The following FRMD5 variants were observed in gnomAD, a reference collection of about 807,000 sequenced individuals.
FRMD5 encodes FERM domain-containing protein 5.
A neutral mutation model predicts 69.0 loss-of-function variants in FRMD5; 20 were observed. The observed-to-expected ratio is 0.29, with a 90% CI of 0.20 to 0.42. The LOEUF (loss-of-function observed/expected upper bound fraction) is 0.42. FRMD5 is among the 10% of genes least tolerant of loss of function. The pLI is 1.00. For missense variants in FRMD5, 595 were observed against 708.6 expected (o/e 0.84, Z 1.82); for synonymous variants, 271 against 260.1 (o/e 1.04, Z -0.40).
intron 1 of FRMD5, among the ~76,000 whole-genome samples, chr15:44,017,181 A>G (rs1361457907): frequency 6.6e-6 from 1 of 152,040 alleles, no homozygotes; most frequent in African/African-American, 2.4e-5. Flanking sequence ...TACTAAAAAT[A>G]CAAAAAATTA....
intron 1 of FRMD5, among the ~76,000 whole-genome samples, chr15:44,121,912 T>C (rs1262852029): frequency 2.0e-5 from 3 of 149,858 alleles, no homozygotes; most frequent in African/African-American, 4.9e-5. Flanking sequence ...GGAGAATCGC[T>C]TGAACCTGAG....
At chr15:44,078,632 G>C (rs1279351533) in intron 1 of FRMD5, among the ~76,000 whole-genome samples, 1 of 150,290 alleles carries the variant, frequency 6.7e-6, no homozygotes, top group Non-Finnish European at 1.5e-5. Flanking sequence ...ATTATGCTAT[G>C]AGAAATAAGC....
Position 44,167,593 on chromosome 15 carries a change from ATTT to A in FRMD5, c.102+27357_102+27359del, listed in dbSNP as rs202157236. ...TTTAGTGAGGCATTTCATTATCACA[ATTT>A]TTTTTTTTTTTAAGACAGAGTCTTG... On this transcript the variant is annotated intron_variant, in intron 1 of 13. Transcript: ENST00000417257. Among the ~76,000 whole-genome samples the A allele has an allele frequency of 4.1e-3, 599 of 145,618 alleles. 5 individuals carry two copies. Among genetic ancestry groups the A allele is most frequent in the African/African-American group, 0.014 (560 of 40,064 alleles).
chr15:43,998,761 G>C (rs1374359395), intron 1 of FRMD5, among the ~76,000 whole-genome samples: 2 of 152,226 alleles, frequency 1.3e-5, no homozygotes, highest in African/African-American at 4.8e-5. Flanking sequence ...ATAAGCTTGT[G>C]AGATGATGGC....
At chr15:44,177,349 A>G (rs1292931384) in intron 1 of FRMD5, among the ~76,000 whole-genome samples, 2 of 152,252 alleles carry the variant, frequency 1.3e-5, no homozygotes, top group African/African-American at 2.4e-5. Context: ...AAAATGTGGT[A>G]TATCTATGAC....
intron 6 of FRMD5, among the ~76,000 whole-genome samples, chr15:43,903,706 C>T (rs573121728): frequency 4.3e-4 from 65 of 152,332 alleles, no homozygotes; most frequent in African/African-American, 1.5e-3. Flanking sequence ...GGAGTGTCCT[C>T]TGTCTGCAGG....
intron 1 of FRMD5, among the ~76,000 whole-genome samples, chr15:44,116,711 T>C (rs1488546573): frequency 6.6e-6 from 1 of 152,144 alleles, no homozygotes; most frequent in Non-Finnish European, 1.5e-5. Context: ...GTCTGCATCA[T>C]TCCTCCCTTG....
At chr15:44,168,698 T>C (rs538185541) in intron 1 of FRMD5, among the ~76,000 whole-genome samples, 1 of 152,232 alleles carries the variant, frequency 6.6e-6, no homozygotes, top group East Asian at 1.9e-4. Flanking sequence ...TACATCTATA[T>C]TTAGGGGCTA....
At chr15:43,952,000 C>CTGTGTGTG (rs367759637) in intron 1 of FRMD5, among the ~76,000 whole-genome samples, 14 of 123,782 alleles carry the variant, frequency 1.1e-4, no homozygotes, top group African/African-American at 3.3e-4. Flanking sequence ...GTGTGTGTGT[C>CTGTGTGTG]TGTGTGTGTG....
intron 4 of FRMD5, among the ~76,000 whole-genome samples, chr15:43,911,596 C>T (rs756037680): frequency 2.8e-4 from 43 of 152,328 alleles, no homozygotes; most frequent in South Asian, 1.0e-3. Flanking sequence ...CAGAACCACC[C>T]AGCTAAGCTG....
rs567853497 is a variant in FRMD5, at chr15:44,135,951, C to T, written c.102+59002G>A. ...TCATAATATTATTTAAAATACAAATCTGACACCAGTTAAGTTTTGGGTCGC... is the reference window on the plus strand; with the variant it reads ...TCATAATATTATTTAAAATACAAATTTGACACCAGTTAAGTTTTGGGTCGC... On this transcript the variant is annotated intron_variant, in intron 1 of 13. Coordinates refer to ENST00000417257, the MANE Select transcript of FRMD5 (RefSeq NM_032892.5). Among the ~76,000 whole-genome samples the T allele has an allele frequency of 2.6e-5, 4 of 152,076 alleles. No homozygotes were observed. The East Asian group carries it at 7.7e-4, about 29-fold the overall frequency.
intron 1 of FRMD5, among the ~76,000 whole-genome samples, chr15:44,039,935 T>C (rs1036997093): frequency 6.6e-6 from 1 of 151,942 alleles, no homozygotes; most frequent in Admixed American, 6.6e-5. Context: ...TGAAAAAATG[T>C]TAGATGAATT....
At chr15:44,098,523 C>CAAAA (rs10660236) in intron 1 of FRMD5, among the ~76,000 whole-genome samples, 1 of 105,302 alleles carries the variant, frequency 9.5e-6, no homozygotes, top group African/African-American at 3.2e-5. Flanking sequence ...GACTCTGTCT[C>CAAAA]AAAAAAAAAA....
At chr15:44,148,324 T>G (rs994408310) in intron 1 of FRMD5, among the ~76,000 whole-genome samples, 1 of 151,954 alleles carries the variant, frequency 6.6e-6, no homozygotes, top group Non-Finnish European at 1.5e-5. Context: ...CAGGTTGGAG[T>G]GCAGGGGCGC....
intron 13 of FRMD5, among the ~76,000 whole-genome samples, chr15:43,877,376 GTC>G (rs1169516035): frequency 1.3e-5 from 2 of 152,168 alleles, no homozygotes; most frequent in Non-Finnish European, 1.5e-5. Context: ...CAGTCCAAAG[GTC>G]TCTCTTAAAA....
At chr15:43,909,430 A>C (rs117308166) in intron 5 of FRMD5, among the ~76,000 whole-genome samples, 3,197 of 150,392 alleles carry the variant, frequency 0.021, 42 homozygotes, top group Non-Finnish European at 0.034. Flanking sequence ...AACAAAAAAA[A>C]CTCTCTAACT....
intron 1 of FRMD5, among the ~76,000 whole-genome samples, chr15:44,178,123 A>G (rs1427482149): frequency 6.6e-6 from 1 of 152,094 alleles, no homozygotes; most frequent in Non-Finnish European, 1.5e-5. Flanking sequence ...AGAGTTCGAG[A>G]CCAGCCTGGC....
intron 1 of FRMD5, among the ~76,000 whole-genome samples, chr15:44,094,468 C>A (rs1285746935): frequency 6.6e-6 from 1 of 152,144 alleles, no homozygotes; most frequent in Non-Finnish European, 1.5e-5. Context: ...TTAGTCCTAA[C>A]TAGGACATAA....
intron 1 of FRMD5, among the ~76,000 whole-genome samples, chr15:44,025,004 T>G (rs1240693249): frequency 6.6e-6 from 1 of 152,212 alleles, no homozygotes; most frequent in African/African-American, 2.4e-5. Context: ...CCAAACTAGC[T>G]GTATGAATTT....
Sources: gnomAD v4.1 joint callset for allele counts (sites outside exome capture counted in the v4.1 genomes callset) on GRCh38, gnomAD v4.1.1 for gene constraint, MANE v1.5 for transcripts, NCBI Gene and HGNC (gene_info 2026-07-23, HGNC 2026-07-21) for gene names.